The following OSBPL8 variants were observed in gnomAD, a reference collection of about 807,000 sequenced individuals.
The protein encoded by OSBPL8 is oxysterol binding protein like 8, also known as oxysterol-binding protein-related protein 8.
In OSBPL8, 59 loss-of-function variants were observed where a neutral mutation model predicts 125.5. That is an observed-to-expected ratio of 0.47 (90% CI 0.38 to 0.58). OSBPL8 has a LOEUF of 0.58. OSBPL8 is among the 20% of genes least tolerant of loss of function. OSBPL8 has a pLI of 0.00. For synonymous variants in OSBPL8, 330 were observed against 338.9 expected, an observed-to-expected ratio of 0.97 and a Z score of 0.29; for missense variants, 758 against 1,047.8, an observed-to-expected ratio of 0.72 and a Z score of 3.82.
At chr12:76,481,320 T>C (rs1363929453) in intron 2 of OSBPL8, among the ~76,000 whole-genome samples, 4 of 152,216 alleles carry the variant, frequency 2.6e-5, no homozygotes, top group Non-Finnish European at 5.9e-5. Flanking sequence ...AACAATACTT[T>C]CAGAGGATTA....
intron 1 of OSBPL8, among the ~76,000 whole-genome samples, chr12:76,528,505 T>C (rs1372495900): frequency 1.3e-5 from 2 of 152,180 alleles, no homozygotes. Context: ...ATATAAATCA[T>C]GCCTTGTCGA....
chr12:76,518,384 A>C (rs1245994005), intron 1 of OSBPL8, among the ~76,000 whole-genome samples: 1 of 152,180 alleles, frequency 6.6e-6, no homozygotes, highest in East Asian at 1.9e-4. Flanking sequence ...TGCAGGGTAC[A>C]GCTCCCATGG....
intron 1 of OSBPL8, among the ~76,000 whole-genome samples, chr12:76,549,365 C>T (rs767696229): frequency 6.6e-6 from 1 of 152,190 alleles, no homozygotes; most frequent in Non-Finnish European, 1.5e-5. Flanking sequence ...AGTTTTCAGA[C>T]AGAATAAAGA....
At chr12:76,385,981 A>G (rs1270517335) in intron 14 of OSBPL8, 187 bp downstream of exon 14, 1 of 740,290 alleles carries the variant, frequency 1.4e-6, no homozygotes, top group Non-Finnish European at 1.9e-6. Flanking sequence ...CATGACTGTA[A>G]TAATAGTACC....
chr12:76,386,708 TTC>T (rs762368150), intron 12 of OSBPL8, 48 bp from the exon 13 acceptor site: 10 of 1,327,514 alleles, frequency 7.5e-6, no homozygotes, highest in Non-Finnish European at 1.1e-5. Flanking sequence ...GTATCACAAA[TTC>T]TCTCTCACAT....
At chr12:76,363,399 A>G (rs1353767473) in intron 21 of OSBPL8, among the ~76,000 whole-genome samples, 1 of 152,226 alleles carries the variant, frequency 6.6e-6, no homozygotes, top group African/African-American at 2.4e-5. Context: ...GACACAAACT[A>G]ACAATGGGGA....
At chr12:76,486,034 C>T in intron 2 of OSBPL8, 1 of 434,752 alleles carries the variant, frequency 2.3e-6, no homozygotes, top group Non-Finnish European at 4.6e-6. Context: ...AAGTAACTTA[C>T]CATCCGTTTT....
chr12:76,495,710 A>G (rs569930262), intron 1 of OSBPL8, among the ~76,000 whole-genome samples: 1 of 152,280 alleles, frequency 6.6e-6, no homozygotes, highest in East Asian at 1.9e-4. Flanking sequence ...CTCTTCCATC[A>G]CCATTAAAAT....
chr12:76,375,000 A>G (rs957888534), intron 17 of OSBPL8, among the ~76,000 whole-genome samples: 5 of 152,168 alleles, frequency 3.3e-5, no homozygotes, highest in Admixed American at 1.3e-4. Flanking sequence ...CTTAAATCTC[A>G]TCTTCTATAT....
chr12:76,374,645 C>A (rs1360855753), intron 17 of OSBPL8, among the ~76,000 whole-genome samples: 1 of 152,064 alleles, frequency 6.6e-6, no homozygotes, highest in Admixed American at 6.6e-5. Context: ...CCTTCGGTCA[C>A]CCTAGACCAG....
chr12:76,535,662 A>C (rs1950473271), intron 1 of OSBPL8, among the ~76,000 whole-genome samples: 1 of 152,216 alleles, frequency 6.6e-6, no homozygotes. Flanking sequence ...TGAATGGATA[A>C]ACAAATTGGA....
intron 16 of OSBPL8, among the ~76,000 whole-genome samples, chr12:76,376,273 T>C (rs1026098959): frequency 1.3e-5 from 2 of 152,220 alleles, no homozygotes; most frequent in Non-Finnish European, 2.9e-5. Context: ...GCTAAACAGG[T>C]TGTGTGTGTA....
chr12:76,391,705 G>A (rs1361605775), intron 10 of OSBPL8, among the ~76,000 whole-genome samples: 1 of 152,108 alleles, frequency 6.6e-6, no homozygotes, highest in African/African-American at 2.4e-5. Flanking sequence ...CCAGGTTACA[G>A]TGAGCTATGA....
chr12:76,521,184 T>C (rs900999450), intron 1 of OSBPL8, among the ~76,000 whole-genome samples: 7 of 152,190 alleles, frequency 4.6e-5, no homozygotes, highest in African/African-American at 1.7e-4. Context: ...TCAAAACACA[T>C]ACCTTGGGTT....
chr12:76,455,069 C>T (rs1873865964), intron 3 of OSBPL8, among the ~76,000 whole-genome samples: 1 of 140,696 alleles, frequency 7.1e-6, no homozygotes, highest in Non-Finnish European at 1.6e-5. Flanking sequence ...CTCGTCTCCA[C>T]TAAAAAATAC....
chr12:76,448,142 T>C (rs1304490990), intron 4 of OSBPL8, among the ~76,000 whole-genome samples: 1 of 152,178 alleles, frequency 6.6e-6, no homozygotes, highest in Non-Finnish European at 1.5e-5. Context: ...GGGTACGTCA[T>C]GAAGTCTGTA....
At position 76,398,386 on chromosome 12, in the gene OSBPL8, T is replaced by C. The variant is rs1055675969; in HGVS notation, c.469-489A>G. On this transcript the variant is annotated intron_variant, in intron 7 of 23. Transcript: ENST00000261183. ...GAGAAAATAACTTCCTCCTAGCCCCTAAAATTACCTTATTCAAATTACTTT... is the reference window on the plus strand; with the variant it reads ...GAGAAAATAACTTCCTCCTAGCCCCCAAAATTACCTTATTCAAATTACTTT... Among the ~76,000 whole-genome samples, 12 of 152,300 alleles carry C rather than the reference T, an allele frequency of 7.9e-5. 1 individual carries two copies. Among genetic ancestry groups the C allele is most frequent in the Admixed American group, 6.5e-4 (10 of 15,298 alleles).
At chr12:76,436,104 C>G (rs973591175) in intron 4 of OSBPL8, among the ~76,000 whole-genome samples, 4 of 152,060 alleles carry the variant, frequency 2.6e-5, no homozygotes, top group African/African-American at 9.7e-5. Flanking sequence ...TATTCTAGAA[C>G]GGCAAGCCTG....
Position 76,399,343 on chromosome 12 carries a change from G to C in OSBPL8, c.468+530C>G, listed in dbSNP as rs12313813. Among the ~76,000 whole-genome samples the C allele has an allele frequency of 4.9e-3, 752 of 152,188 alleles. 7 individuals are homozygous for C. Among genetic ancestry groups the C allele is most frequent in the African/African-American group, 0.017 (724 of 41,544 alleles). On this transcript the variant is annotated intron_variant, in intron 7 of 23. Coordinates refer to ENST00000261183, the MANE Select transcript of OSBPL8 (RefSeq NM_020841.5). ...CTGTCTTTCAGATAAGAATGAGAAA[G>C]AGGATAGAGTGACCAGGATGAAAGA...
Sources: allele counts gnomAD v4.1 joint callset (sites outside exome capture counted in the v4.1 genomes callset), GRCh38; gene constraint gnomAD v4.1.1; transcripts MANE v1.5; gene names NCBI Gene and HGNC (gene_info 2026-07-23, HGNC 2026-07-21).